LYPLAL1: variants seen among roughly 807,000 people sequenced by gnomAD.
LYPLAL1 encodes the protein lysophospholipase like 1.
In LYPLAL1, 23 loss-of-function variants were observed where a neutral mutation model predicts 19.7. That is an observed-to-expected ratio of 1.17 (90% CI 0.84 to 1.65). The LOEUF (loss-of-function observed/expected upper bound fraction) is 1.65, where lower values mean the gene tolerates loss of function less well. Among genes scored for constraint, LYPLAL1 ranks in the 40% most tolerant of loss-of-function variants. The pLI is 0.00. For synonymous variants in LYPLAL1, 119 were observed against 96.3 expected, an observed-to-expected ratio of 1.24 and a Z score of -1.38; for missense variants, 355 against 279.4, an observed-to-expected ratio of 1.27 and a Z score of -1.93.
At chr1:219,372,707 C>T in the LYPLAL1 span, among the ~76,000 whole-genome samples, 1 of 152,102 alleles carries the variant, frequency 6.6e-6, no homozygotes, top group African/African-American at 2.4e-5. Flanking sequence ...CAAGACTAAC[C>T]TGGGCAACAT....
intron 3 of LYPLAL1, among the ~76,000 whole-genome samples, chr1:219,199,105 A>G (rs1657856881): frequency 6.6e-6 from 1 of 152,216 alleles, no homozygotes; most frequent in Admixed American, 6.5e-5. Context: ...TCATTCAGTG[A>G]AAAAAAGCAT....
At chr1:219,183,918 A>G (rs1021865281) in intron 2 of LYPLAL1, among the ~76,000 whole-genome samples, 1 of 151,888 alleles carries the variant, frequency 6.6e-6, no homozygotes, top group Non-Finnish European at 1.5e-5. Flanking sequence ...TGTGAGCATA[A>G]TTTGAATTCT....
At chr1:219,377,743 C>T in the LYPLAL1 span, among the ~76,000 whole-genome samples, 1 of 151,888 alleles carries the variant, frequency 6.6e-6, no homozygotes, top group Admixed American at 6.6e-5. Context: ...TTTAAAGAAA[C>T]TGCAAAGTTA....
chr1:219,439,990 TACACAC>T, the LYPLAL1 span, among the ~76,000 whole-genome samples: 1 of 120,282 alleles, frequency 8.3e-6, no homozygotes, highest in Admixed American at 8.8e-5. Context: ...TATATATATA[TACACAC>T]ATATATATAT....
the LYPLAL1 span, among the ~76,000 whole-genome samples, chr1:219,332,968 G>A: frequency 6.6e-6 from 1 of 152,004 alleles, no homozygotes; most frequent in Middle Eastern, 3.4e-3. Context: ...CTAGCTGGCT[G>A]TAAACTAAGA....
At chr1:219,431,878 C>G in the LYPLAL1 span, among the ~76,000 whole-genome samples, 1 of 152,198 alleles carries the variant, frequency 6.6e-6, no homozygotes, top group African/African-American at 2.4e-5. Flanking sequence ...TTCCTAATCT[C>G]GCTACCCTCC....
At chr1:219,441,287 C>A in the LYPLAL1 span, among the ~76,000 whole-genome samples, 1 of 152,042 alleles carries the variant, frequency 6.6e-6, no homozygotes, top group Non-Finnish European at 1.5e-5. Context: ...TATTAAGGAA[C>A]TATCATTAGG....
the LYPLAL1 span, among the ~76,000 whole-genome samples, chr1:219,422,647 G>A: frequency 6.6e-6 from 1 of 152,046 alleles, no homozygotes; most frequent in East Asian, 1.9e-4. Flanking sequence ...ATTAATAATG[G>A]GAGAGCAAAA....
At chr1:219,232,007 C>T in the LYPLAL1 span, among the ~76,000 whole-genome samples, 1 of 152,194 alleles carries the variant, frequency 6.6e-6, no homozygotes, top group East Asian at 1.9e-4. Context: ...TTGTCCCTTC[C>T]TATACAATTG....
At chr1:219,246,786 A>T in the LYPLAL1 span, among the ~76,000 whole-genome samples, 1,066 of 152,262 alleles carry the variant, frequency 7.0e-3, 12 homozygotes, top group African/African-American at 0.022. Context: ...GAGTTTCACC[A>T]TATTGCCCAG....
chr1:219,201,607 TA>T (rs1166064513), intron 3 of LYPLAL1, among the ~76,000 whole-genome samples: 3 of 152,006 alleles, frequency 2.0e-5, no homozygotes, highest in Admixed American at 6.6e-5. Context: ...AAAGTGGGGG[TA>T]AAAACATTTT....
the LYPLAL1 span, among the ~76,000 whole-genome samples, chr1:219,430,320 AT>A: frequency 6.9e-6 from 1 of 144,318 alleles, no homozygotes; most frequent in Non-Finnish European, 1.5e-5. Flanking sequence ...GCTCTTTTCT[AT>A]AACCCAGGTT....
the LYPLAL1 span, among the ~76,000 whole-genome samples, chr1:219,238,403 G>A: frequency 2.1e-5 from 3 of 144,054 alleles, no homozygotes; most frequent in Admixed American, 7.2e-5. Context: ...TGCTCGTCTC[G>A]GCCTCCCAAA....
the LYPLAL1 span, among the ~76,000 whole-genome samples, chr1:219,296,839 T>G: frequency 2.0e-5 from 3 of 152,158 alleles, no homozygotes; most frequent in African/African-American, 7.2e-5. Context: ...TACAGATAGT[T>G]TATAACTATT....
At chr1:219,354,258 G>A in the LYPLAL1 span, among the ~76,000 whole-genome samples, 12 of 152,130 alleles carry the variant, frequency 7.9e-5, no homozygotes, top group African/African-American at 1.9e-4. Context: ...GTGCAGTGGC[G>A]CAATCTTAGC....
chr1:219,332,876 TG>T, the LYPLAL1 span, among the ~76,000 whole-genome samples: 1 of 138,924 alleles, frequency 7.2e-6, no homozygotes, highest in Non-Finnish European at 1.6e-5. Flanking sequence ...TCAGAGGCTC[TG>T]GGGGAGAATC....
the LYPLAL1 span, among the ~76,000 whole-genome samples, chr1:219,280,692 T>G: frequency 6.6e-6 from 1 of 152,108 alleles, no homozygotes; most frequent in Non-Finnish European, 1.5e-5. Flanking sequence ...TTTTTGCCAG[T>G]TTGAGAAAAC....
At chr1:219,401,363 AC>A in the LYPLAL1 span, among the ~76,000 whole-genome samples, 2 of 99,384 alleles carry the variant, frequency 2.0e-5, no homozygotes, top group African/African-American at 5.9e-5. Context: ...TTGCCACTTA[AC>A]CCTGCCTCCT....
chr1:219,262,457 G>A, the LYPLAL1 span, among the ~76,000 whole-genome samples: 1 of 152,068 alleles, frequency 6.6e-6, no homozygotes, highest in Non-Finnish European at 1.5e-5. Context: ...TCTGATTTGG[G>A]TACACTATTT....
Sources: allele counts gnomAD v4.1 joint callset (sites outside exome capture counted in the v4.1 genomes callset), GRCh38; gene constraint gnomAD v4.1.1; transcripts MANE v1.5; gene names NCBI Gene and HGNC (gene_info 2026-07-23, HGNC 2026-07-21).